The following IFI16 variants were observed in gnomAD, a reference collection of about 807,000 sequenced individuals.
IFI16 encodes the protein interferon gamma inducible protein 16.
In IFI16, 49 loss-of-function variants were observed where a neutral mutation model predicts 68.4. The ratio of observed to expected loss-of-function variants is 0.72; its 90% CI spans 0.57 to 0.91. IFI16 has a LOEUF of 0.91. IFI16 is among the 40% of genes least tolerant of loss of function. The pLI is 0.00. For missense variants in IFI16, 878 were observed against 942.9 expected, an observed-to-expected ratio of 0.93 and a Z score of 0.90; for synonymous variants, 307 against 315.0, an observed-to-expected ratio of 0.97 and a Z score of 0.27.
chr1:159,027,401 T>C (rs1486938408), intron 6 of IFI16, among the ~76,000 whole-genome samples: 1 of 152,078 alleles, frequency 6.6e-6, no homozygotes, highest in African/African-American at 2.4e-5. Context: ...GTGCATTATC[T>C]TGACATGCTG....
rs201248226 is a variant in IFI16, at chr1:159,028,791, G to GCTTGT, written c.1162-3733_1162-3732insCTTGT. Among the ~76,000 whole-genome samples the GCTTGT allele has an allele frequency of 6.5e-3, 556 of 85,660 alleles. 21 individuals carry two copies. In the East Asian group the frequency reaches 0.14, roughly 22 times the overall value. The allele number at this position is 85,660 out of a possible 152,430, so 56.2% of individuals were successfully genotyped here. Reference sequence around the variant, plus strand: ...CTTTTTTAACTGCTGTTGCTTTAAAGTTTGTTTTTTGGTGTCCATTTGCAT... The same window carrying GCTTGT: ...CTTTTTTAACTGCTGTTGCTTTAAAGCTTGTTTTGTTTTTTGGTGTCCATTTGCAT... On this transcript the variant is annotated intron_variant, in intron 6 of 11. Coordinates refer to ENST00000295809, the MANE Select transcript of IFI16 (RefSeq NM_001376587.1).
chr1:159,015,488 T>A (rs1200638233), intron 2 of IFI16, among the ~76,000 whole-genome samples: 1 of 152,208 alleles, frequency 6.6e-6, no homozygotes, highest in Admixed American at 6.5e-5. Context: ...TTTCTATAAT[T>A]TGAATATCTT....
chr1:159,048,305 A>G (rs1337797265), intron 8 of IFI16, among the ~76,000 whole-genome samples: 1 of 151,506 alleles, frequency 6.6e-6, no homozygotes, highest in Non-Finnish European at 1.5e-5. Context: ...TTTATTCTTT[A>G]TAACACCATA....
chr1:159,048,936 A>C (rs1655169119), intron 8 of IFI16, among the ~76,000 whole-genome samples: 1 of 151,476 alleles, frequency 6.6e-6, no homozygotes, highest in Admixed American at 6.6e-5. Flanking sequence ...TCCCTGAGGA[A>C]TTGTGAATTT....
chr1:159,020,643 A>G (rs1319882347), intron 6 of IFI16, 114 bp downstream of exon 6: 2 of 631,368 alleles, frequency 3.2e-6, no homozygotes, highest in Non-Finnish European at 5.4e-6. Flanking sequence ...AGGCATGAGA[A>G]AACAGATATT....
intron 6 of IFI16, among the ~76,000 whole-genome samples, chr1:159,026,633 TC>T: frequency 6.6e-6 from 1 of 152,234 alleles, no homozygotes; most frequent in Middle Eastern, 3.4e-3. Flanking sequence ...ATTCTACCCA[TC>T]CCCGAGCATA....
At chr1:159,044,555 C>T (rs1654864342) in intron 7 of IFI16, among the ~76,000 whole-genome samples, 1 of 151,800 alleles carries the variant, frequency 6.6e-6, no homozygotes, top group Non-Finnish European at 1.5e-5. Context: ...GGGAAAACTG[C>T]TAAAATAATG....
At chr1:159,028,736 C>CT (rs1234809356) in intron 6 of IFI16, among the ~76,000 whole-genome samples, 1 of 142,154 alleles carries the variant, frequency 7.0e-6, no homozygotes, top group South Asian at 2.2e-4. Flanking sequence ...TGGACTAGTT[C>CT]TTTTAGCATT....
At chr1:159,045,971 A>G (rs562347650) in intron 8 of IFI16, among the ~76,000 whole-genome samples, 43 of 143,696 alleles carry the variant, frequency 3.0e-4, no homozygotes, top group Admixed American at 7.4e-4. Context: ...GTATATACAA[A>G]GAGTCTTATT....
At chr1:159,053,834 C>T (rs1166700417) in intron 11 of IFI16, 110 bp downstream of exon 11, 8 of 764,720 alleles carry the variant, frequency 1.0e-5, no homozygotes, top group Non-Finnish European at 1.5e-5. Context: ...GGAAAAGGAA[C>T]AAAGCCTTGC....
intron 6 of IFI16, among the ~76,000 whole-genome samples, chr1:159,023,739 A>G (rs1400852243): frequency 2.6e-5 from 4 of 152,122 alleles, no homozygotes; most frequent in Non-Finnish European, 5.9e-5. Context: ...CCTCTACAAT[A>G]TCACCATACA....
intron 1 of IFI16, among the ~76,000 whole-genome samples, chr1:159,012,330 G>A (rs1254989176): frequency 6.6e-6 from 1 of 152,160 alleles, no homozygotes; most frequent in Non-Finnish European, 1.5e-5. Context: ...GATACATTTT[G>A]AAGTTAAGAA....
intron 6 of IFI16, among the ~76,000 whole-genome samples, chr1:159,030,877 G>GAT: frequency 2.1e-3 from 1 of 470 alleles, no homozygotes; most frequent in Admixed American, 0.05. Flanking sequence ...GGTGGTGGGT[G>GAT]GGGGGGCCAC....
intron 6 of IFI16, among the ~76,000 whole-genome samples, chr1:159,025,495 C>T (rs1653608772): frequency 6.6e-6 from 1 of 151,908 alleles, no homozygotes; most frequent in South Asian, 2.1e-4. Flanking sequence ...TAAAGTAAAA[C>T]TTTTATAGAC....
rs1655145266 is a variant in IFI16, at chr1:159,048,659, TA to T, written c.1498-767del. Among the ~76,000 whole-genome samples, 4 of 151,622 alleles carry T rather than the reference TA, an allele frequency of 2.6e-5. No homozygotes were observed. The South Asian group carries it at 6.2e-4, about 24-fold the overall frequency. On this transcript the variant is annotated intron_variant, in intron 8 of 11. Coordinates refer to ENST00000295809, the MANE Select transcript of IFI16 (RefSeq NM_001376587.1). Reference sequence around the variant, plus strand: ...TACCTCTCTATCAACAATTGCCACTTAAAAAATTAGGTTACTGAATGGCAAA... The same window carrying T: ...TACCTCTCTATCAACAATTGCCACTTAAAAATTAGGTTACTGAATGGCAAA...
Position 159,016,633 on chromosome 1 carries a change from C to CA in IFI16, c.483dup (p.Ala162SerfsTer22). 2 of 1,614,164 alleles carry CA rather than the reference C, an allele frequency of 1.2e-6. No individual in the cohort carries two copies. Among genetic ancestry groups the CA allele is most frequent in the Non-Finnish European group, 1.7e-6 (2 of 1,179,998 alleles). On this transcript the variant is annotated frameshift_variant, in exon 4 of 12. Transcript: ENST00000295809. LOFTEE classifies it high-confidence loss of function. Reference sequence around the variant, plus strand: ...TCTCCTGCAGGAGCCGGCATGTCCACAGCCATGGGCCGTTCCCCATCTCCC... The same window carrying CA: ...TCTCCTGCAGGAGCCGGCATGTCCACAAGCCATGGGCCGTTCCCCATCTCCC...
At chr1:159,001,620 G>A (rs1042279641), upstream of IFI16, among the ~76,000 whole-genome samples, 1 of 152,098 alleles carries the variant, frequency 6.6e-6, no homozygotes, top group Non-Finnish European at 1.5e-5. Context: ...AAGGAAATTT[G>A]CATTTCCTGA....
Position 159,018,958 on chromosome 1 carries a change from A to G in IFI16, c.972+307A>G, listed in dbSNP as rs74122208. On this transcript the variant is annotated intron_variant, in intron 5 of 11. Transcript: ENST00000295809. The stretch of plus-strand genomic sequence containing the variant: ...AGTGATCAAGGACATTGTGAGGTCT[A>G]CATCCATACACACATGATACTAAGT... Among the ~76,000 whole-genome samples, 233 of 152,320 alleles carry G rather than the reference A, an allele frequency of 1.5e-3. 2 individuals are homozygous for G. Among genetic ancestry groups the G allele is most frequent in the Middle Eastern group, 0.01 (3 of 294 alleles).
chr1:159,035,924 T>C (rs1295663636), intron 7 of IFI16, among the ~76,000 whole-genome samples: 4 of 152,214 alleles, frequency 2.6e-5, no homozygotes, highest in African/African-American at 7.2e-5. Context: ...ACTCTGGTTA[T>C]GGGACTGTTT....
Sources: allele counts gnomAD v4.1 joint callset (sites outside exome capture counted in the v4.1 genomes callset), GRCh38; gene constraint gnomAD v4.1.1; transcripts MANE v1.5; gene names NCBI Gene and HGNC (gene_info 2026-07-23, HGNC 2026-07-21).